USPL1: variants seen among roughly 807,000 people sequenced by gnomAD.
USPL1 encodes ubiquitin specific peptidase like 1, also known as SUMO-specific isopeptidase USPL1.
USPL1 carries 27 observed loss-of-function variants against 51.5 expected under a neutral mutation model. The ratio of observed to expected loss-of-function variants is 0.52; its 90% CI spans 0.39 to 0.72. The LOEUF (loss-of-function observed/expected upper bound fraction) is 0.72, where lower values mean the gene tolerates loss of function less well. Ranked by LOEUF, USPL1 falls within the 30% of genes least tolerant of loss-of-function variation. The pLI is 0.00. For missense variants in USPL1, 1,226 were observed against 1,268.0 expected, an observed-to-expected ratio of 0.97 and a Z score of 0.50; for synonymous variants, 451 against 459.6, an observed-to-expected ratio of 0.98 and a Z score of 0.24.
intron 7 of USPL1, among the ~76,000 whole-genome samples, chr13:30,650,948 C>T (rs534312601): frequency 6.6e-6 from 1 of 151,908 alleles, no homozygotes; most frequent in Admixed American, 6.6e-5. Flanking sequence ...TGAGATCGTG[C>T]CCTGCACTCC....
chr13:30,637,669 C>T, intron 4 of USPL1, 75 bp from the exon 5 acceptor site: 1 of 1,196,536 alleles, frequency 8.4e-7, no homozygotes. Flanking sequence ...AGCTTTCATT[C>T]TTGGGAATGT....
chr13:30,621,901 T>G lies in USPL1; in HGVS notation c.228+9T>G. The G allele has an allele frequency of 2.0e-6, 3 of 1,518,214 alleles. No individual in the cohort carries two copies. Among genetic ancestry groups the G allele is most frequent in the Non-Finnish European group, 2.6e-6 (3 of 1,134,510 alleles). 94.0% of individuals were successfully genotyped at this position (1,518,214 alleles called of 1,614,324 possible). The stretch of plus-strand genomic sequence containing the variant: ...TGTGTGAGGATCTGCAGGTAAAGTA[T>G]TAATCTTATATAGTATATATAAGAT... On this transcript the variant is annotated intron_variant, in intron 3 of 8. Transcript: ENST00000255304.
chr13:30,623,026 T>C (rs1048584552), intron 3 of USPL1, among the ~76,000 whole-genome samples: 1 of 152,102 alleles, frequency 6.6e-6, no homozygotes, highest in Non-Finnish European at 1.5e-5. Context: ...TGAACAAGTA[T>C]GTGTTTTTCT....
At chr13:30,656,399 C>T (rs1360400528) in intron 8 of USPL1, among the ~76,000 whole-genome samples, 1 of 152,210 alleles carries the variant, frequency 6.6e-6, no homozygotes, top group Non-Finnish European at 1.5e-5. Flanking sequence ...AACCACTATT[C>T]TACTTTCTGT....
intron 1 of USPL1, among the ~76,000 whole-genome samples, chr13:30,620,499 G>A (rs1042779370): frequency 3.9e-5 from 6 of 152,120 alleles, no homozygotes; most frequent in African/African-American, 1.4e-4. Flanking sequence ...TTATATTTTT[G>A]TTCAGATAAC....
chr13:30,651,624 A>G (rs958439650), intron 7 of USPL1, among the ~76,000 whole-genome samples: 18 of 152,236 alleles, frequency 1.2e-4, no homozygotes, highest in Admixed American at 8.5e-4. Context: ...AGCCTCAGAA[A>G]GTATCTTGAA....
intron 4 of USPL1, among the ~76,000 whole-genome samples, chr13:30,635,360 T>G (rs1286542533): frequency 6.6e-6 from 1 of 152,204 alleles, no homozygotes; most frequent in Non-Finnish European, 1.5e-5. Flanking sequence ...ATCCATTTTT[T>G]TCCCATTTGC....
In USPL1 at chr13:30,629,963, C is replaced by CTAT. The variant is rs142884305; in HGVS notation, c.229-849_229-847dup. The stretch of plus-strand genomic sequence containing the variant: ...TTGTGTAAAAGAAGGCATTAATTAA[C>CTAT]TATTATTATTATTATTATTATTATT... On this transcript the variant is annotated intron_variant, in intron 3 of 8. Transcript: ENST00000255304. 5.6e-3 allele frequency among the ~76,000 whole-genome samples: 842 copies of CTAT among 151,134 alleles called. 4 individuals are homozygous for CTAT. The highest frequency in any genetic ancestry group is 0.017 in the African/African-American group (702 of 41,192).
chr13:30,628,043 A>ATTTTTTTTTTTT (rs202119827), intron 3 of USPL1, among the ~76,000 whole-genome samples: 63 of 127,000 alleles, frequency 5.0e-4, no homozygotes, highest in Non-Finnish European at 6.6e-4. Flanking sequence ...TGCCTGGCTA[A>ATTTTTTTTTTTT]TTTTTTTTTT....
chr13:30,655,946 A>C (rs759112817), intron 8 of USPL1, among the ~76,000 whole-genome samples: 1 of 152,168 alleles, frequency 6.6e-6, no homozygotes, highest in Non-Finnish European at 1.5e-5. Flanking sequence ...ACTTGTATCT[A>C]TTTCTGTTTC....
At position 30,658,670 on chromosome 13, in the gene USPL1, C is replaced by T; in HGVS notation, c.2593C>T (p.His865Tyr). 1 of 1,614,230 alleles carries T rather than the reference C, an allele frequency of 6.2e-7. No individual in the cohort carries two copies. The highest frequency in any genetic ancestry group is 8.5e-7 in the Non-Finnish European group (1 of 1,180,038). The change falls in exon 9 of 9, where the codon CAC becomes TAC. Residue 865 changes from histidine to tyrosine, a missense_variant. His to Tyr is a moderately conservative substitution (Grantham distance 83, BLOSUM62 2). Transcript: ENST00000255304. ...CACCTCATGTGGAGCTCAACTCAACCACAGTTCTTATGGGAATGGTATTTC... is the reference window on the plus strand; with the variant it reads ...CACCTCATGTGGAGCTCAACTCAACTACAGTTCTTATGGGAATGGTATTTC... Reference protein sequence around the residue: ...GSTSCGAQLNHSSYGNGISSA... With the variant: ...GSTSCGAQLNYSSYGNGISSA...
intron 5 of USPL1, among the ~76,000 whole-genome samples, chr13:30,639,633 G>A (rs1050249122): frequency 2.6e-5 from 4 of 152,040 alleles, no homozygotes; most frequent in Non-Finnish European, 5.9e-5. Context: ...GTACAGCTCT[G>A]TAACCCTCAC....
chr13:30,635,540 C>G (rs1950864624), intron 4 of USPL1, among the ~76,000 whole-genome samples: 2 of 152,136 alleles, frequency 1.3e-5, no homozygotes, highest in South Asian at 2.1e-4. Flanking sequence ...TTATGGCTAC[C>G]TTGTAGGGCA....
Position 30,653,267 on chromosome 13 carries a change from C to A in USPL1, c.1358C>A (p.Ala453Glu), listed in dbSNP as rs181490675. ...YQITSVIQYR[A>E]NNHFITWILD... is the part of the protein sequence containing the mutation. ...ATAACTTCTGTAATTCAGTATCGAG[C>A]AAATAATCATTTTATAACATGGATT... is the stretch of plus-strand genomic sequence containing the variant. Residue 453 changes from alanine (A) to glutamate (E), a missense_variant, in exon 8 of 9, where the codon GCA (alanine) becomes GAA (glutamate). By Grantham distance (107) the Ala-to-Glu change is moderately radical (BLOSUM62 -1). Transcript: ENST00000255304. 1.1e-5 allele frequency: 18 copies of A among 1,607,878 alleles called. No individual in the cohort carries two copies. Among genetic ancestry groups the A allele is most frequent in the African/African-American group, 2.7e-5 (2 of 74,764 alleles).
intron 1 of USPL1, among the ~76,000 whole-genome samples, chr13:30,620,330 C>G (rs1950630853): frequency 6.6e-6 from 1 of 152,156 alleles, no homozygotes; most frequent in African/African-American, 2.4e-5. Flanking sequence ...ATTTGATTTT[C>G]CTATCATTGT....
Position 30,617,924 on chromosome 13 carries a change from T to C in USPL1, c.-201T>C. On this transcript the variant is annotated 5_prime_UTR_variant, in exon 1 of 9. Transcript: ENST00000255304. Reference sequence around the variant, plus strand: ...CGCGGACTCAAGCCGGAAGCCGCCTTCCTAGTGGAGACGCGAGTGGGGGAG... The same window carrying C: ...CGCGGACTCAAGCCGGAAGCCGCCTCCCTAGTGGAGACGCGAGTGGGGGAG... 1 of 152,474 alleles carries C rather than the reference T, an allele frequency of 6.6e-6. No homozygotes were observed. The highest frequency in any genetic ancestry group is 1.5e-5 in the Non-Finnish European group (1 of 68,166). 9.4% of individuals were successfully genotyped at this position (152,474 alleles called of 1,614,324 possible). A position where few individuals can be genotyped will look rare whatever the true frequency, so the allele number is the denominator to read the frequency against.
chr13:30,631,084 C>T lies in USPL1; in HGVS notation c.478C>T (p.Gln160Ter). 1 of 1,614,132 alleles carries T rather than the reference C, an allele frequency of 6.2e-7. No individual in the cohort carries two copies. The highest frequency in any genetic ancestry group is 8.5e-7 in the Non-Finnish European group (1 of 1,180,034). The part of the protein sequence containing the change: ...SSNLPDSSGQ[Q>*]NPIRTADSLE... Reference sequence around the variant, plus strand: ...AAACTTACCTGATAGTAGTGGTCAACAGAATCCAATTAGGACAGCTGATTC... The same window carrying T: ...AAACTTACCTGATAGTAGTGGTCAATAGAATCCAATTAGGACAGCTGATTC... Residue 160 changes from glutamine (Q) to a stop codon, truncating the protein, a stop_gained, in exon 4 of 9, where the codon CAG (glutamine) becomes TAG (stop). Coordinates refer to ENST00000255304, the MANE Select transcript of USPL1 (RefSeq NM_005800.5). LOFTEE classifies it high-confidence loss of function.
At chr13:30,654,508 C>G (rs1441854507) in intron 8 of USPL1, among the ~76,000 whole-genome samples, 1 of 152,046 alleles carries the variant, frequency 6.6e-6, no homozygotes, top group Non-Finnish European at 1.5e-5. Context: ...GCTAGGACTA[C>G]AGGCACATGC....
At position 30,659,747 on chromosome 13, in the gene USPL1, T is replaced by G. The variant is rs958631255; in HGVS notation, c.*391T>G. On this transcript the variant is annotated 3_prime_UTR_variant, in exon 9 of 9. Coordinates refer to ENST00000255304, the MANE Select transcript of USPL1 (RefSeq NM_005800.5). The stretch of plus-strand genomic sequence containing the variant: ...CCTGGAAACCTGTTGCTCGTGGCGC[T>G]TTGCCCACGGTGCCCGAGTTCTTGT... The G allele has an allele frequency of 6.0e-6, 1 of 167,690 alleles. No individual in the cohort carries two copies. The highest frequency in any genetic ancestry group is 2.4e-5 in the African/African-American group (1 of 41,622). The allele number at this position is 167,690 out of a possible 1,614,324, so 10.4% of individuals were successfully genotyped here. A position where few individuals can be genotyped will look rare whatever the true frequency, so the allele number is the denominator to read the frequency against.
Sources: gnomAD v4.1 joint callset for allele counts (sites outside exome capture counted in the v4.1 genomes callset) on GRCh38, gnomAD v4.1.1 for gene constraint, MANE v1.5 for transcripts, NCBI Gene and HGNC (gene_info 2026-07-23, HGNC 2026-07-21) for gene names.